The following REL variants were observed in gnomAD, a reference collection of about 807,000 sequenced individuals.
The protein encoded by REL is proto-oncogene c-Rel.
REL carries 15 observed loss-of-function variants against 45.9 expected under a neutral mutation model. That is an observed-to-expected ratio of 0.33 (90% confidence interval 0.22 to 0.50). The LOEUF is 0.50. Among genes scored for constraint, REL ranks in the 20% least tolerant of loss-of-function variants. REL has a pLI of 0.98. For synonymous variants in REL, 239 were observed against 242.1 expected (o/e 0.99, Z 0.12); for missense variants, 601 against 715.2 (o/e 0.84, Z 1.82).
rs1463590573 is a variant in REL, at chr2:60,930,665, TAATA to T, written c.*8133_*8136del. The T allele has an allele frequency of 7.1e-6, 1 of 140,624 alleles. No homozygotes were observed. The highest frequency in any genetic ancestry group is 1.7e-5 in the Non-Finnish European group (1 of 59,706). 8.7% of individuals were successfully genotyped at this position (140,624 alleles called of 1,614,324 possible). A position where few individuals can be genotyped will look rare whatever the true frequency, so the allele number is the denominator to read the frequency against. Reference sequence around the variant, plus strand: ...ACAGACAAAACCACTCATGCCCTATTAATAAACAAAATACAGATCAAAGTTTTCA... The same window carrying T: ...ACAGACAAAACCACTCATGCCCTATTAACAAAATACAGATCAAAGTTTTCA... On this transcript the variant is annotated 3_prime_UTR_variant, in exon 10 of 10. Coordinates refer to ENST00000394479, the MANE Select transcript of REL (RefSeq NM_001291746.2).
chr2:60,921,667 T>G lies in REL; in HGVS notation c.992-96T>G, dbSNP rs1674143431. ...ACATTGGTTTCCTTGACATTTTTCT[T>G]TATATATATTTGTGTGCTTATGCAA... On this transcript the variant is annotated intron_variant, in intron 9 of 9. Coordinates refer to ENST00000394479, the MANE Select transcript of REL (RefSeq NM_001291746.2). 5 of 1,046,506 alleles carry G rather than the reference T, an allele frequency of 4.8e-6. No individual in the cohort carries two copies. In the Admixed American group the frequency reaches 1.3e-4, roughly 28 times the overall value. 64.8% of individuals were successfully genotyped at this position (1,046,506 alleles called of 1,614,324 possible).
chr2:60,901,148 C>CCCTTTTTTTTTTTTTTTT (rs755936187), intron 4 of REL, 65 bp downstream of exon 4: 2 of 832,874 alleles, frequency 2.4e-6, no homozygotes, highest in African/African-American at 2.4e-5. Context: ...TTTTTTCTTT[C>CCCTTTTTTTTTTTTTTTT]TCTTTTTTTT....
chr2:60,887,844 CTT>C (rs1558785955), intron 1 of REL, among the ~76,000 whole-genome samples: 1 of 151,332 alleles, frequency 6.6e-6, no homozygotes, highest in Non-Finnish European at 1.5e-5. Context: ...TCAACAACTA[CTT>C]TTCTGTTCTT....
Position 60,891,838 on chromosome 2 carries a change from T to C in REL, c.153+13T>C. The C allele has an allele frequency of 6.3e-7, 1 of 1,596,096 alleles. No homozygotes were observed. Among genetic ancestry groups the C allele is most frequent in the East Asian group, 2.3e-5 (1 of 44,196 alleles). ...CCCTTCTATCCAGGTAATAGACCCT[T>C]CTTCTGTGTCTATCTCACTATTAGT... On this transcript the variant is annotated intron_variant, in intron 2 of 9. Coordinates refer to ENST00000394479, the MANE Select transcript of REL (RefSeq NM_001291746.2).
At position 60,931,074 on chromosome 2, in the gene REL, A is replaced by T. The variant is rs1317894586; in HGVS notation, c.*8539A>T. 6.6e-6 allele frequency: 1 copy of T among 152,354 alleles called. No individual in the cohort carries two copies. The highest frequency in any genetic ancestry group is 1.5e-5 in the Non-Finnish European group (1 of 68,032). 9.4% of individuals were successfully genotyped at this position (152,354 alleles called of 1,614,324 possible). On this transcript the variant is annotated 3_prime_UTR_variant, in exon 10 of 10. Coordinates refer to ENST00000394479, the MANE Select transcript of REL (RefSeq NM_001291746.2). ...TTCCATAAGATGTAATAAAATATAG[A>T]TAAGGTTGGAATATTTGAGGATCCA...
intron 4 of REL, among the ~76,000 whole-genome samples, chr2:60,902,051 T>A (rs1157883509): frequency 1.3e-5 from 2 of 152,114 alleles, no homozygotes; most frequent in Non-Finnish European, 2.9e-5. Context: ...ATACTTAGAG[T>A]AGCCTCCATT....
intron 4 of REL, among the ~76,000 whole-genome samples, chr2:60,902,449 C>T (rs561204698): frequency 6.6e-5 from 10 of 151,606 alleles, no homozygotes; most frequent in Admixed American, 6.6e-4. Flanking sequence ...AAAAAGGAAT[C>T]ATGCTATATA....
intron 4 of REL, among the ~76,000 whole-genome samples, chr2:60,915,032 C>T (rs951718650): frequency 5.9e-5 from 9 of 151,504 alleles, no homozygotes; most frequent in Admixed American, 3.9e-4. Flanking sequence ...GGGGTTTCAC[C>T]GTGTTAGCCA....
At position 60,926,610 on chromosome 2, in the gene REL, C is replaced by A. The variant is rs921013917; in HGVS notation, c.*4075C>A. 3.0e-5 allele frequency: 7 copies of A among 230,852 alleles called. No homozygotes were observed. Among genetic ancestry groups the A allele is most frequent in the African/African-American group, 1.3e-4 (6 of 45,160 alleles). 14.3% of individuals were successfully genotyped at this position (230,852 alleles called of 1,614,324 possible). A position where few individuals can be genotyped will look rare whatever the true frequency, so the allele number is the denominator to read the frequency against. Reference sequence around the variant, plus strand: ...CCTACCCGCCCTCCGATGATCTTATCAGAGCCCACAGGTTCAGTTTTCTTT... The same window carrying A: ...CCTACCCGCCCTCCGATGATCTTATAAGAGCCCACAGGTTCAGTTTTCTTT... On this transcript the variant is annotated 3_prime_UTR_variant, in exon 10 of 10. Coordinates refer to ENST00000394479, the MANE Select transcript of REL (RefSeq NM_001291746.2).
intron 1 of REL, among the ~76,000 whole-genome samples, chr2:60,882,438 G>T (rs1314995291): frequency 3.3e-5 from 5 of 152,218 alleles, no homozygotes; most frequent in Non-Finnish European, 7.3e-5. Context: ...ACTTTGGGAG[G>T]CCGAGGCGGG....
chr2:60,900,835 T>A (rs960900855), intron 3 of REL, 157 bp from the exon 4 acceptor site: 13 of 656,212 alleles, frequency 2.0e-5, no homozygotes, highest in Non-Finnish European at 3.3e-5. Flanking sequence ...TAATCCCACT[T>A]CTTACTCTCT....
intron 9 of REL, 25 bp from the exon 10 acceptor site, chr2:60,921,738 G>T: frequency 6.4e-7 from 1 of 1,551,512 alleles, no homozygotes; most frequent in South Asian, 1.2e-5. Context: ...TTTTAATTTC[G>T]TAAAATAAAT....
chr2:60,907,884 G>C (rs1673706514), intron 4 of REL, among the ~76,000 whole-genome samples: 1 of 151,586 alleles, frequency 6.6e-6, no homozygotes, highest in Admixed American at 6.6e-5. Context: ...AGTAGAGACA[G>C]GGTTCCACCG....
At chr2:60,916,826 C>G (rs1360327583) in intron 4 of REL, 51 bp from the exon 5 acceptor site, 1 of 1,386,478 alleles carries the variant, frequency 7.2e-7, no homozygotes, top group East Asian at 2.3e-5. Flanking sequence ...CCTAGCAAGT[C>G]TTTAGGTCTA....
In REL at chr2:60,924,966, A is replaced by G. The variant is rs1674235132; in HGVS notation, c.*2431A>G. 1 of 208,924 alleles carries G rather than the reference A, an allele frequency of 4.8e-6. No homozygotes were observed. Among genetic ancestry groups the G allele is most frequent in the African/African-American group, 2.3e-5 (1 of 44,008 alleles). The allele number at this position is 208,924 out of a possible 1,614,324, so 12.9% of individuals were successfully genotyped here. A position where few individuals can be genotyped will look rare whatever the true frequency, so the allele number is the denominator to read the frequency against. ...TAATTCTGGCATTTAGAAACCTTTC[A>G]CTTTGCTTCAAAACGTAGTTATATT... On this transcript the variant is annotated 3_prime_UTR_variant, in exon 10 of 10. Transcript: ENST00000394479.
At position 60,924,354 on chromosome 2, in the gene REL, A is replaced by G; in HGVS notation, c.*1819A>G. 2 of 217,764 alleles carry G rather than the reference A, an allele frequency of 9.2e-6. No individual in the cohort carries two copies. The highest frequency in any genetic ancestry group is 1.4e-4 in the East Asian group (2 of 14,542). 13.5% of individuals were successfully genotyped at this position (217,764 alleles called of 1,614,324 possible). On this transcript the variant is annotated 3_prime_UTR_variant, in exon 10 of 10. Transcript: ENST00000394479. ...ATCTCCAATTTGTAGAAAAATGCCT[A>G]CCTTATATTAAACACTCAGTAAATG...
intron 4 of REL, among the ~76,000 whole-genome samples, chr2:60,912,686 C>T (rs1216065196): frequency 6.6e-6 from 1 of 151,850 alleles, no homozygotes; most frequent in Admixed American, 6.6e-5. Context: ...CAAAACTGTT[C>T]AATACACAGT....
chr2:60,912,693 C>T (rs1188927320), intron 4 of REL, among the ~76,000 whole-genome samples: 2 of 151,790 alleles, frequency 1.3e-5, no homozygotes, highest in Non-Finnish European at 2.9e-5. Context: ...GTTCAATACA[C>T]AGTTTTGTCA....
At position 60,906,913 on chromosome 2, in the gene REL, A is replaced by ATATAT. The variant is rs1311506982; in HGVS notation, c.394+5831_394+5832insATATT. ...TGTGTGTATATATATATATATATAT[A>ATATAT]TTTTTTTTTTTTTTTTCTTTTCCGA... is the stretch of plus-strand genomic sequence containing the variant. On this transcript the variant is annotated intron_variant, in intron 4 of 9. Transcript: ENST00000394479. Among the ~76,000 whole-genome samples, 252 of 104,314 alleles carry ATATAT rather than the reference A, an allele frequency of 2.4e-3. 3 individuals are homozygous for ATATAT. Among genetic ancestry groups the ATATAT allele is most frequent in the African/African-American group, 9.0e-3 (226 of 25,190 alleles). The allele number at this position is 104,314 out of a possible 152,430, so 68.4% of individuals were successfully genotyped here. A position where few individuals can be genotyped will look rare whatever the true frequency, so the allele number is the denominator to read the frequency against.
Sources: gnomAD v4.1 joint callset for allele counts (sites outside exome capture counted in the v4.1 genomes callset) on GRCh38, gnomAD v4.1.1 for gene constraint, MANE v1.5 for transcripts, NCBI Gene and HGNC (gene_info 2026-07-23, HGNC 2026-07-21) for gene names.